The following LACTBL1 variants were observed in gnomAD, a reference collection of about 807,000 sequenced individuals.
The protein encoded by LACTBL1 is beta-lactamase-like protein 1.
A neutral mutation model predicts 39.6 loss-of-function variants in LACTBL1; 29 were observed. The ratio of observed to expected loss-of-function variants is 0.73; its 90% CI spans 0.55 to 1.00. The LOEUF (loss-of-function observed/expected upper bound fraction) is 1.00, where lower values mean the gene tolerates loss of function less well. Among genes scored for constraint, LACTBL1 ranks in the 50% least tolerant of loss-of-function variants. The pLI is 0.00. For synonymous variants in LACTBL1, 361 were observed against 360.7 expected (o/e 1.00, Z -0.01); for missense variants, 711 against 748.5 (o/e 0.95, Z 0.59).
Position 22,961,781 on chromosome 1 carries a change from T to A in LACTBL1, c.159+1326A>T, listed in dbSNP as rs144898568. Among the ~76,000 whole-genome samples, 25 of 150,018 alleles carry A rather than the reference T, an allele frequency of 1.7e-4. No individual in the cohort carries two copies. The East Asian group carries it at 5.0e-3, about 30-fold the overall frequency. On this transcript the variant is annotated intron_variant, in intron 2 of 5. Transcript: ENST00000426928. ...TAACTTTGCCTTTCTTTTCCTCGCT[T>A]TGTCACCCTGGCTGGAGTGCAGTGG...
At chr1:22,960,064 T>C (rs1570500369) in exon 3 of LACTBL1, 1 of 1,550,702 alleles carries the variant, frequency 6.4e-7, no homozygotes. Flanking sequence ...CAGCCACGCC[T>C]GGGGCAGACA....
chr1:22,953,940 G>C, exon 6 of LACTBL1: 2 of 1,550,308 alleles, frequency 1.3e-6, no homozygotes, highest in Non-Finnish European at 1.7e-6. Flanking sequence ...CGTTCTCCGA[G>C]ACCCAGCGCT....
chr1:22,953,196 G>A lies in LACTBL1; in HGVS notation c.1488C>T (p.Gly496=), dbSNP rs1187949710. 3 of 1,232,014 alleles carry A rather than the reference G, an allele frequency of 2.4e-6. No homozygotes were observed. The East Asian group carries it at 9.5e-5, about 39-fold the overall frequency. The allele number at this position is 1,232,014 out of a possible 1,614,324, so 76.3% of individuals were successfully genotyped here. The change falls in exon 6 of 6, where the codon GGC becomes GGT. Residue 496 remains glycine (G), a synonymous_variant. Transcript: ENST00000426928. ...GGGCCTCGAGCGAGAGCCACGCGTCGCCGAGTGGCAGTGCGCAGGGGAACT... is the reference window on the plus strand; with the variant it reads ...GGGCCTCGAGCGAGAGCCACGCGTCACCGAGTGGCAGTGCGCAGGGGAACT...
In LACTBL1 at chr1:22,963,331, GAGCC is replaced by G. The variant is rs1273946710; in HGVS notation, c.50-119_50-116del. The G allele has an allele frequency of 5.9e-6, 3 of 507,238 alleles. No homozygotes were observed. In the African/African-American group the frequency reaches 6.0e-5, roughly 10 times the overall value. 31.4% of individuals were successfully genotyped at this position (507,238 alleles called of 1,614,324 possible). On this transcript the variant is annotated intron_variant, in intron 1 of 5. Coordinates refer to ENST00000426928, the Ensembl canonical transcript of LACTBL1. The stretch of plus-strand genomic sequence containing the variant: ...AAGGACAGCCCTCCCCAGCCGAGCC[GAGCC>G]GGGGGATATCAGGGTCCAGAGACCA...
At position 22,963,888 on chromosome 1, in the gene LACTBL1, C is replaced by G. The variant is rs184178911; in HGVS notation, c.50-672G>C. On this transcript the variant is annotated intron_variant, in intron 1 of 5. Coordinates refer to ENST00000426928, the Ensembl canonical transcript of LACTBL1. ...TCCACTGTGCCCTGAGACTCCACCCCAAAACTGAGACAAGGTCCCTGCGGT... is the reference window on the plus strand; with the variant it reads ...TCCACTGTGCCCTGAGACTCCACCCGAAAACTGAGACAAGGTCCCTGCGGT... Among the ~76,000 whole-genome samples the G allele has an allele frequency of 7.9e-5, 12 of 152,200 alleles. No individual in the cohort carries two copies. The South Asian group carries it at 8.3e-4, about 11-fold the overall frequency.
At chr1:22,970,232 C>T (rs557610866), upstream of LACTBL1, among the ~76,000 whole-genome samples, 11 of 152,164 alleles carry the variant, frequency 7.2e-5, no homozygotes, top group Non-Finnish European at 1.5e-4. Context: ...AGTAAATAGA[C>T]AAACTATAGT....
At chr1:22,954,808 T>C (rs946607940) in intron 5 of LACTBL1, among the ~76,000 whole-genome samples, 2 of 151,916 alleles carry the variant, frequency 1.3e-5, no homozygotes, top group Non-Finnish European at 2.9e-5. Flanking sequence ...TGGAAAAGGG[T>C]CACTGACCAG....
intron 5 of LACTBL1, among the ~76,000 whole-genome samples, 153 bp from the exon 8 acceptor site, chr1:22,954,177 C>G (rs1640740188): frequency 6.6e-6 from 1 of 152,226 alleles, no homozygotes. Flanking sequence ...CTTTGGAGCA[C>G]TGACTCTGAC....
At chr1:22,966,552 C>G (rs1475005193), upstream of LACTBL1, among the ~76,000 whole-genome samples, 1 of 152,182 alleles carries the variant, frequency 6.6e-6, no homozygotes, top group East Asian at 1.9e-4. Context: ...TTGTACCAAT[C>G]CATTTGACAG....
At chr1:22,953,393 C>A (rs1444314379) in exon 6 of LACTBL1, 2 of 1,228,084 alleles carry the variant, frequency 1.6e-6, no homozygotes, top group East Asian at 3.2e-5. Context: ...GTGAAGTAGC[C>A]GGCGAAGGGG....
chr1:22,972,518 C>T, the LACTBL1 span: 3 of 722,890 alleles, frequency 4.2e-6, no homozygotes, highest in East Asian at 3.9e-4. Context: ...CCTCCTCTTC[C>T]CATGGCTCCC....
intron 4 of LACTBL1, among the ~76,000 whole-genome samples, chr1:22,957,180 G>A (rs1047561665): frequency 6.6e-6 from 1 of 151,902 alleles, no homozygotes; most frequent in Non-Finnish European, 1.5e-5. Flanking sequence ...CTCAGTACAC[G>A]CAGAACATGA....
At chr1:22,972,284 C>G in the LACTBL1 span, 2 of 985,208 alleles carry the variant, frequency 2.0e-6, no homozygotes, top group Non-Finnish European at 2.4e-6. Flanking sequence ...ATGGTGACAG[C>G]TTCTTGAGGC....
At chr1:22,953,854 A>G in exon 6 of LACTBL1, 1 of 1,548,654 alleles carries the variant, frequency 6.5e-7, no homozygotes, top group African/African-American at 1.4e-5. Context: ...GCTGCCGTAG[A>G]AGCCCGCGGC....
chr1:22,968,819 T>C (rs1275129148), upstream of LACTBL1, among the ~76,000 whole-genome samples: 2 of 152,220 alleles, frequency 1.3e-5, no homozygotes, highest in African/African-American at 4.8e-5. Flanking sequence ...AAGGATTAGA[T>C]GAGTTGATGT....
exon 4 of LACTBL1, chr1:22,958,746 C>G (rs748935748): frequency 3.9e-6 from 6 of 1,550,646 alleles, no homozygotes; most frequent in South Asian, 1.2e-5. Context: ...CGGGGCCCAC[C>G]TGCTCCAGCC....
At position 22,963,980 on chromosome 1, in the gene LACTBL1, G is replaced by GTGCGATCTCAGCTCAC. The variant is rs1163930384; in HGVS notation, c.50-780_50-765dup. Among the ~76,000 whole-genome samples, 3 of 152,192 alleles carry GTGCGATCTCAGCTCAC rather than the reference G, an allele frequency of 2.0e-5. No homozygotes were observed. The East Asian group carries it at 5.8e-4, about 29-fold the overall frequency. ...CTGTTGCCCAGGCTGGAGTACAATG[G>GTGCGATCTCAGCTCAC]TGCGATCTCAGCTCACTGCGATCTC... On this transcript the variant is annotated intron_variant, in intron 1 of 5. Coordinates refer to ENST00000426928, the Ensembl canonical transcript of LACTBL1.
intron 4 of LACTBL1, among the ~76,000 whole-genome samples, chr1:22,956,571 G>A (rs1275472186): frequency 6.6e-6 from 1 of 152,052 alleles, no homozygotes; most frequent in Non-Finnish European, 1.5e-5. Flanking sequence ...AAGGCGTCTG[G>A]GGCAGGGCAG....
intron 4 of LACTBL1, among the ~76,000 whole-genome samples, chr1:22,958,414 T>C (rs1383268948): frequency 1.3e-5 from 2 of 152,224 alleles, no homozygotes; most frequent in African/African-American, 2.4e-5. Context: ...TGCTCTTGCC[T>C]TATCAACTTC....
Sources: gnomAD v4.1 joint callset for allele counts (sites outside exome capture counted in the v4.1 genomes callset) on GRCh38, gnomAD v4.1.1 for gene constraint, MANE v1.5 for transcripts, NCBI Gene and HGNC (gene_info 2026-07-23, HGNC 2026-07-21) for gene names.